The following HS3ST2 variants were observed in gnomAD, a reference collection of about 807,000 sequenced individuals.
The protein encoded by HS3ST2 is heparan sulfate glucosamine 3-O-sulfotransferase 2.
A neutral mutation model predicts 26.3 loss-of-function variants in HS3ST2; 17 were observed. The ratio of observed to expected loss-of-function variants is 0.65; its 90% CI spans 0.44 to 0.97. The LOEUF (loss-of-function observed/expected upper bound fraction) is 0.97, where lower values mean the gene tolerates loss of function less well. Among genes scored for constraint, HS3ST2 ranks in the 50% least tolerant of loss-of-function variants. The pLI is 0.00. For missense variants in HS3ST2, 402 were observed against 501.2 expected (o/e 0.80, Z 1.89); for synonymous variants, 237 against 219.2 (o/e 1.08, Z -0.72).
chr16:22,865,261 A>C (rs118190008), intron 1 of HS3ST2, among the ~76,000 whole-genome samples: 3,457 of 152,188 alleles, frequency 0.023, 61 homozygotes, highest in Non-Finnish European at 0.035. Context: ...TGTCCAAAAA[A>C]AAGTCCTGCT....
Position 22,859,274 on chromosome 16 carries a change from C to T in HS3ST2, c.485+44179C>T, listed in dbSNP as rs371489584. The stretch of plus-strand genomic sequence containing the variant: ...AAGAAGACCAAAACCTTCACCTTAG[C>T]GACTAGTATGAAGTATTTTGCAGTA... On this transcript the variant is annotated intron_variant, in intron 1 of 1. Transcript: ENST00000261374. Among the ~76,000 whole-genome samples, 40 of 152,280 alleles carry T rather than the reference C, an allele frequency of 2.6e-4. 2 individuals carry two copies. In the South Asian group the frequency reaches 6.0e-3, roughly 23 times the overall value.
At chr16:22,874,892 G>C (rs1901892049) in intron 1 of HS3ST2, among the ~76,000 whole-genome samples, 1 of 152,222 alleles carries the variant, frequency 6.6e-6, no homozygotes, top group Non-Finnish European at 1.5e-5. Flanking sequence ...AGTGTTTGGA[G>C]CCTGAGGGTC....
chr16:22,911,558 C>T (rs1902425024), intron 1 of HS3ST2, among the ~76,000 whole-genome samples: 1 of 152,218 alleles, frequency 6.6e-6, no homozygotes, highest in African/African-American at 2.4e-5. Context: ...TTCCTTCTGA[C>T]TGCTCTGAGA....
At chr16:22,869,410 T>C (rs1177784628) in intron 1 of HS3ST2, among the ~76,000 whole-genome samples, 2 of 152,216 alleles carry the variant, frequency 1.3e-5, no homozygotes, top group South Asian at 2.1e-4. Flanking sequence ...TTTGAGATTA[T>C]AGAGCAGGCC....
intron 1 of HS3ST2, among the ~76,000 whole-genome samples, chr16:22,904,702 C>T (rs1902326497): frequency 6.6e-6 from 1 of 152,186 alleles, no homozygotes; most frequent in Non-Finnish European, 1.5e-5. Context: ...TTCAAATAAT[C>T]TAGTCTAGCC....
chr16:22,857,689 C>T (rs1011381949), intron 1 of HS3ST2, among the ~76,000 whole-genome samples: 35 of 152,294 alleles, frequency 2.3e-4, no homozygotes, highest in African/African-American at 7.9e-4. Flanking sequence ...AGACAATCTT[C>T]TAATCAATTT....
intron 1 of HS3ST2, among the ~76,000 whole-genome samples, chr16:22,866,651 A>T (rs1901757960): frequency 1.3e-5 from 2 of 152,116 alleles, no homozygotes; most frequent in Admixed American, 6.6e-5. Context: ...ATGCAGAAAA[A>T]TTAGCCAGAC....
chr16:22,821,122 A>G (rs1212562673), intron 1 of HS3ST2, among the ~76,000 whole-genome samples: 1 of 151,892 alleles, frequency 6.6e-6, no homozygotes, highest in Non-Finnish European at 1.5e-5. Context: ...AATGTTACCC[A>G]TGCCATCTCC....
At position 22,915,125 on chromosome 16, in the gene HS3ST2, C is replaced by T. The variant is rs759646455; in HGVS notation, c.667C>T (p.Pro223Ser). The T allele has an allele frequency of 1.5e-5, 25 of 1,613,978 alleles. No homozygotes were observed. The South Asian group carries it at 2.5e-4, about 16-fold the overall frequency. ...SDYTQTLSKK[P>S]DIPTFEGLSF... The stretch of plus-strand genomic sequence containing the variant: ...TTACACGCAGACACTCTCCAAGAAG[C>T]CCGACATCCCGACCTTTGAGGGCCT... The change falls in exon 2 of 2, where the codon CCC (proline) becomes TCC (serine). Residue 223 changes from proline to serine, a missense_variant. Around this residue, in one of 2 missense-constraint regions of HS3ST2, gnomAD observed 237 missense variants for 346.6 expected, o/e 0.68. Coordinates refer to ENST00000261374, the MANE Select transcript of HS3ST2 (RefSeq NM_006043.2).
chr16:22,817,450 C>G (rs927754210), intron 1 of HS3ST2, among the ~76,000 whole-genome samples: 1 of 152,216 alleles, frequency 6.6e-6, no homozygotes, highest in African/African-American at 2.4e-5. Flanking sequence ...CACTTAGATG[C>G]TGTTTCCATA....
intron 1 of HS3ST2, among the ~76,000 whole-genome samples, chr16:22,859,081 C>T (rs1021801728): frequency 1.2e-4 from 18 of 152,068 alleles, no homozygotes; most frequent in Non-Finnish European, 2.2e-4. Flanking sequence ...TGGGAGGATC[C>T]CTTAAGCCCA....
At chr16:22,898,238 G>C (rs961923006) in intron 1 of HS3ST2, among the ~76,000 whole-genome samples, 3 of 152,168 alleles carry the variant, frequency 2.0e-5, no homozygotes, top group Non-Finnish European at 4.4e-5. Context: ...ACTAACTAGG[G>C]GGAAGGCAAT....
At chr16:22,822,589 G>C (rs1254325871) in intron 1 of HS3ST2, among the ~76,000 whole-genome samples, 2 of 152,160 alleles carry the variant, frequency 1.3e-5, no homozygotes. Context: ...TGCAGTGGCT[G>C]ACGCCTGTAA....
chr16:22,822,534 C>G (rs1195857542), intron 1 of HS3ST2, among the ~76,000 whole-genome samples: 3 of 152,078 alleles, frequency 2.0e-5, no homozygotes, highest in African/African-American at 7.2e-5. Flanking sequence ...ACAAGTTTTC[C>G]CCTTCAGTTT....
intron 1 of HS3ST2, among the ~76,000 whole-genome samples, chr16:22,874,530 C>T (rs1363680878): frequency 6.6e-6 from 1 of 152,210 alleles, no homozygotes; most frequent in Non-Finnish European, 1.5e-5. Context: ...TGTGTCCTGG[C>T]TTGACCATAG....
rs569101012 is a variant in HS3ST2 at position 22,897,006 on chromosome 16, ACCATGTTG to A, written c.486-17935_486-17928del. Among the ~76,000 whole-genome samples the A allele has an allele frequency of 8.7e-4, 132 of 152,162 alleles. 1 individual carries two copies. In the Middle Eastern group the frequency reaches 0.01, roughly 12 times the overall value. ...TATTTTTTTGTAGGGACACGGTTTC[ACCATGTTG>A]CCCAGGCTGGTCTCAAACTCCTGAG... On this transcript the variant is annotated intron_variant, in intron 1 of 1. Coordinates refer to ENST00000261374, the MANE Select transcript of HS3ST2 (RefSeq NM_006043.2).
intron 1 of HS3ST2, among the ~76,000 whole-genome samples, chr16:22,823,481 C>T (rs139241583): frequency 4.8e-4 from 73 of 152,096 alleles, no homozygotes; most frequent in African/African-American, 1.6e-3. Context: ...TGGAGTTTGC[C>T]GAAAACTCAG....
intron 1 of HS3ST2, among the ~76,000 whole-genome samples, chr16:22,904,636 C>CA (rs983773545): frequency 6.6e-6 from 1 of 152,190 alleles, no homozygotes; most frequent in African/African-American, 2.4e-5. Context: ...AAGGGTACAA[C>CA]ATGTCAAGGT....
chr16:22,877,947 T>C (rs1901941334), intron 1 of HS3ST2, among the ~76,000 whole-genome samples: 1 of 152,204 alleles, frequency 6.6e-6, no homozygotes, highest in Non-Finnish European at 1.5e-5. Flanking sequence ...ATGCTGGTGC[T>C]GATACCTGAA....
Sources: allele counts gnomAD v4.1 joint callset (sites outside exome capture counted in the v4.1 genomes callset), GRCh38; gene constraint gnomAD v4.1.1; regional missense constraint gnomAD v4.1.1; transcripts MANE v1.5; gene names NCBI Gene and HGNC (gene_info 2026-07-23, HGNC 2026-07-21).